EFTUD2: variants seen among roughly 807,000 people sequenced by gnomAD.
The protein encoded by EFTUD2 is elongation factor Tu GTP binding domain containing 2.
EFTUD2 carries 9 observed loss-of-function variants against 114.3 expected under a neutral mutation model. The observed-to-expected ratio is 0.08, with a 90% CI of 0.05 to 0.14. EFTUD2 has a LOEUF of 0.14. Ranked by LOEUF, EFTUD2 falls within the 10% of genes least tolerant of loss-of-function variation. The probability of loss-of-function intolerance (pLI) is 1.00; values close to 1 mark genes in which losing one functional copy is unlikely to be tolerated. For missense variants in EFTUD2, 765 were observed against 1,241.2 expected (o/e 0.62, Z 5.76); for synonymous variants, 449 against 462.3 (o/e 0.97, Z 0.37).
chr17:44,872,337 T>C (rs2145503079), intron 11 of EFTUD2, 109 bp downstream of exon 11: 1 of 1,431,584 alleles, frequency 7.0e-7, no homozygotes, highest in Admixed American at 1.8e-5. Flanking sequence ...GGTGATAAAA[T>C]GTTCCCCCAG....
chr17:44,869,297 T>C (rs2050804154), intron 11 of EFTUD2, among the ~76,000 whole-genome samples: 1 of 152,168 alleles, frequency 6.6e-6, no homozygotes, highest in Non-Finnish European at 1.5e-5. Flanking sequence ...TGCAGTATAA[T>C]CACTGAACTT....
chr17:44,885,224 C>G lies in EFTUD2; in HGVS notation c.350+32G>C, dbSNP rs549274355. On this transcript the variant is annotated intron_variant, in intron 4 of 27. Coordinates refer to ENST00000426333, the MANE Select transcript of EFTUD2 (RefSeq NM_004247.4). ...ACAAAAACATGAACCCACAGCATTC[C>G]TGCAGAGAAGCTGAGAAACCTTGTA... 30 of 1,566,976 alleles carry G rather than the reference C, an allele frequency of 1.9e-5. No homozygotes were observed. In the African/African-American group the frequency reaches 3.9e-4, roughly 20 times the overall value.
At chr17:44,893,927 G>C (rs2051328680) in intron 2 of EFTUD2, among the ~76,000 whole-genome samples, 1 of 151,884 alleles carries the variant, frequency 6.6e-6, no homozygotes. Flanking sequence ...ACATTAGCCG[G>C]GCATGGTGGC....
chr17:44,883,274 A>G, intron 5 of EFTUD2, 116 bp from the exon 6 acceptor site: 1 of 892,042 alleles, frequency 1.1e-6, no homozygotes, highest in Non-Finnish European at 1.8e-6. Flanking sequence ...AAGGAGAGCA[A>G]GGAGGGTTAT....
chr17:44,881,598 C>T, intron 7 of EFTUD2, 89 bp downstream of exon 7: 2 of 1,374,818 alleles, frequency 1.5e-6, no homozygotes, highest in Middle Eastern at 1.8e-4. Context: ...AACTAAAATG[C>T]TATCATAAAG....
At chr17:44,885,431 G>A in intron 3 of EFTUD2, 97 bp from the exon 4 acceptor site, 1 of 831,774 alleles carries the variant, frequency 1.2e-6, no homozygotes, top group African/African-American at 1.7e-5. Flanking sequence ...AATGTATGAT[G>A]TATGACATCA....
chr17:44,887,066 C>T (rs921497524), intron 2 of EFTUD2, among the ~76,000 whole-genome samples: 5 of 152,172 alleles, frequency 3.3e-5, no homozygotes, highest in Admixed American at 2.6e-4. Flanking sequence ...TCTCCAAAGG[C>T]AGAAACCAAA....
At chr17:44,861,089 C>T (rs1252906022) in intron 16 of EFTUD2, among the ~76,000 whole-genome samples, 1 of 152,010 alleles carries the variant, frequency 6.6e-6, no homozygotes, top group Non-Finnish European at 1.5e-5. Context: ...AATCTTATTC[C>T]AATTGCAGGC....
intron 2 of EFTUD2, among the ~76,000 whole-genome samples, chr17:44,888,106 C>T (rs530557883): frequency 1.3e-5 from 2 of 152,232 alleles, no homozygotes; most frequent in South Asian, 2.1e-4. Context: ...GGTGAAACAG[C>T]GAATGCAAAG....
At position 44,854,196 on chromosome 17, in the gene EFTUD2, G is replaced by A. The variant is rs577731562; in HGVS notation, c.2347+73C>T. On this transcript the variant is annotated intron_variant, in intron 23 of 27. Transcript: ENST00000426333. The surrounding 1 kb of genome is among the most constrained non-coding windows in gnomAD (Gnocchi z 4.3). ...TCTCCTGCCGAATCCTAAAGATGGT[G>A]AGCCCATCCCACTCATATGCCTGGC... The A allele has an allele frequency of 8.0e-6, 12 of 1,492,132 alleles. No individual in the cohort carries two copies. The highest frequency in any genetic ancestry group is 1.1e-5 in the Non-Finnish European group (12 of 1,101,324). 92.4% of individuals were successfully genotyped at this position (1,492,132 alleles called of 1,614,324 possible). A position where few individuals can be genotyped will look rare whatever the true frequency, so the allele number is the denominator to read the frequency against.
chr17:44,858,200 G>A (rs888107713), intron 19 of EFTUD2, among the ~76,000 whole-genome samples: 3 of 152,026 alleles, frequency 2.0e-5, no homozygotes, highest in Admixed American at 1.3e-4. Context: ...GGGGTTACAG[G>A]CGTGAGCCAC....
intron 20 of EFTUD2, among the ~76,000 whole-genome samples, chr17:44,856,199 C>A (rs2050550054): frequency 6.7e-6 from 1 of 149,092 alleles, no homozygotes; most frequent in African/African-American, 2.5e-5. Flanking sequence ...GCAAAGGGCT[C>A]ATCTTTCTTT....
At chr17:44,883,940 C>A in intron 4 of EFTUD2, 2 of 558,510 alleles carry the variant, frequency 3.6e-6, no homozygotes, top group Non-Finnish European at 3.2e-6. Context: ...TGGACTATCA[C>A]GGGGATTTCA....
chr17:44,859,822 T>C, intron 18 of EFTUD2, 83 bp downstream of exon 18: 1 of 1,597,540 alleles, frequency 6.3e-7, no homozygotes, highest in South Asian at 1.1e-5. Flanking sequence ...CATGAACACC[T>C]GATGGATGGG....
intron 19 of EFTUD2, among the ~76,000 whole-genome samples, chr17:44,858,470 A>T (rs1251066017): frequency 6.6e-6 from 1 of 152,148 alleles, no homozygotes; most frequent in Non-Finnish European, 1.5e-5. Flanking sequence ...TGGCACAATG[A>T]TTGCTCATTG....
chr17:44,877,693 C>A (rs1486039471), intron 9 of EFTUD2, among the ~76,000 whole-genome samples: 1 of 150,076 alleles, frequency 6.7e-6, no homozygotes, highest in African/African-American at 2.4e-5. Flanking sequence ...GTAGTCCCAG[C>A]TGCCTGGGAG....
At position 44,875,226 on chromosome 17, in the gene EFTUD2, A is replaced by T. The variant is rs7220851; in HGVS notation, c.869+708T>A. ...AAAAAAATATAAATAAATAAAAAAT[A>T]AAAATTAAAATTAAAAAAAATTGGC... On this transcript the variant is annotated intron_variant, in intron 10 of 27. Coordinates refer to ENST00000426333, the MANE Select transcript of EFTUD2 (RefSeq NM_004247.4). Among the ~76,000 whole-genome samples, 244 of 152,138 alleles carry T rather than the reference A, an allele frequency of 1.6e-3. 2 individuals are homozygous for T. Among genetic ancestry groups the T allele is most frequent in the African/African-American group, 4.6e-3 (192 of 41,560 alleles).
intron 14 of EFTUD2, among the ~76,000 whole-genome samples, chr17:44,864,286 T>C (rs1005459143): frequency 5.3e-5 from 8 of 152,176 alleles, no homozygotes; most frequent in Admixed American, 2.6e-4. Flanking sequence ...GTGTGTCAGA[T>C]TGATGGGCAG....
chr17:44,872,508 C>G lies in EFTUD2; in HGVS notation c.932G>C (p.Ser311Thr), dbSNP rs1291410436. ...SPLLGNVCFSSSQYSICFTLG... is the reference protein window; with the variant it reads ...SPLLGNVCFSTSQYSICFTLG... ...CGTGAAGCAGATGCTGTACTGGGAG[C>G]TGGAGAAGCAGACGTTACCCAGGAG... is the stretch of plus-strand genomic sequence containing the variant. Residue 311 changes from serine (S) to threonine (T), a missense_variant, in exon 11 of 28, where the codon AGC becomes ACC. This residue lies in a region of EFTUD2 where 251 missense variants were observed against 357.7 expected (regional missense o/e 0.70). Coordinates refer to ENST00000426333, the MANE Select transcript of EFTUD2 (RefSeq NM_004247.4). 3.7e-6 allele frequency: 6 copies of G among 1,613,398 alleles called. No individual in the cohort carries two copies. Among genetic ancestry groups the G allele is most frequent in the East Asian group, 4.5e-5 (2 of 44,832 alleles).
Sources: allele counts gnomAD v4.1 joint callset (sites outside exome capture counted in the v4.1 genomes callset), GRCh38; gene constraint gnomAD v4.1.1; regional missense constraint gnomAD v4.1.1; non-coding constraint Gnocchi (gnomAD v3.1); transcripts MANE v1.5; gene names NCBI Gene and HGNC (gene_info 2026-07-23, HGNC 2026-07-21).